Variants in PCDHA13 observed in about 807,000 individuals in gnomAD.
PCDHA13 encodes the protein protocadherin alpha 13, also known as protocadherin alpha-13.
Under a neutral mutation model 64.8 loss-of-function variants are expected in PCDHA13, and 54 were observed. The observed-to-expected ratio is 0.83, with a 90% confidence interval of 0.67 to 1.04. The LOEUF (loss-of-function observed/expected upper bound fraction) is 1.04, where lower values mean the gene tolerates loss of function less well. PCDHA13 is among the 50% of genes least tolerant of loss of function. The pLI is 0.00. For synonymous variants in PCDHA13, 587 were observed against 564.4 expected (o/e 1.04, Z -0.57); for missense variants, 1,248 against 1,254.3 (o/e 0.99, Z 0.08).
intron 1 of PCDHA13, among the ~76,000 whole-genome samples, chr5:140,915,667 G>A (rs2077246554): frequency 1.3e-5 from 2 of 149,888 alleles, no homozygotes; most frequent in Admixed American, 1.3e-4. Flanking sequence ...AAGGTGCTGG[G>A]CCATCTTGAA....
At chr5:141,001,536 A>G (rs562513933) in intron 3 of PCDHA13, among the ~76,000 whole-genome samples, 153 of 152,240 alleles carry the variant, frequency 1.0e-3, no homozygotes, top group African/African-American at 3.5e-3. Context: ...CTGATCCTGG[A>G]CAGGATTTGG....
At position 140,884,634 on chromosome 5, in the gene PCDHA13, GGGA is replaced by G. The variant is rs1562808845; in HGVS notation, c.2373_2375del (p.Glu791del). 3 of 1,612,414 alleles carry G rather than the reference GGGA, an allele frequency of 1.9e-6. No individual in the cohort carries two copies. Among genetic ancestry groups the G allele is most frequent in the Non-Finnish European group, 2.5e-6 (3 of 1,179,358 alleles). ...GGTTCTGCAGAGGGAACAGGCCAGAGGGAGGAGGACTCAGAATGCTTGAAAGAG... is the reference window on the plus strand; with the variant it reads ...GGTTCTGCAGAGGGAACAGGCCAGAGGGAGGACTCAGAATGCTTGAAAGAG... On this transcript the variant is annotated inframe_deletion, in exon 1 of 4. Transcript: ENST00000289272.
At position 140,882,482 on chromosome 5, in the gene PCDHA13, G is replaced by C. The variant is rs200256955; in HGVS notation, c.214G>C (p.Gly72Arg). The change falls in exon 1 of 4, where the codon GGG (glycine) becomes CGG (arginine). Residue 72 changes from glycine to arginine, a missense_variant. By Grantham distance (125) the Gly-to-Arg change is moderately radical (BLOSUM62 -2). Coordinates refer to ENST00000289272, the MANE Select transcript of PCDHA13 (RefSeq NM_018904.3). ...RLFRVASKRHGDLLEVNLQNG... is the reference protein window; with the variant it reads ...RLFRVASKRHRDLLEVNLQNG... ...GTTCCGGGTGGCGTCCAAAAGACAC[G>C]GGGACCTTCTGGAGGTAAATCTGCA... 2.4e-5 allele frequency: 38 copies of C among 1,613,930 alleles called. No homozygotes were observed. The highest frequency in any genetic ancestry group is 8.3e-5 in the Admixed American group (5 of 60,010).
At chr5:140,967,171 G>A (rs181864889) in intron 1 of PCDHA13, 2 of 1,611,944 alleles carry the variant, frequency 1.2e-6, no homozygotes, top group Non-Finnish European at 8.5e-7. Flanking sequence ...GCGCCGTTGA[G>A]GTGGAAATAT....
chr5:140,887,238 C>A (rs1191260946), intron 1 of PCDHA13, among the ~76,000 whole-genome samples: 3 of 151,738 alleles, frequency 2.0e-5, no homozygotes, highest in African/African-American at 4.8e-5. Flanking sequence ...CTGAGACTAC[C>A]GGCGCCCGCC....
At chr5:140,928,729 G>A (rs2085477021) in intron 1 of PCDHA13, 1 of 1,613,996 alleles carries the variant, frequency 6.2e-7, no homozygotes, top group Non-Finnish European at 8.5e-7. Context: ...TAGAATTTCA[G>A]CCAATATAGG....
rs782325875 is a variant in PCDHA13, at chr5:140,979,026, A to T, written c.2453+19A>T. The T allele has an allele frequency of 6.2e-7, 1 of 1,613,490 alleles. No homozygotes were observed. The highest frequency in any genetic ancestry group is 1.1e-5 in the South Asian group (1 of 90,898). On this transcript the variant is annotated intron_variant, in intron 2 of 3. Transcript: ENST00000289272. ...TGCACAGGTATGTATTTCCCTCCTC[A>T]TTCACTCAGAAGTAACCTTAACTTG...
In PCDHA13 at chr5:140,928,656, T is replaced by A. The variant is rs116598649; in HGVS notation, c.2394+43994T>A. ...TCACAAAAGTGGTAGCAGAGGATGC[T>A]GACAGTGGTTCTAATGCCTGGCTTT... On this transcript the variant is annotated intron_variant, in intron 1 of 3. Transcript: ENST00000289272. 5,180 of 1,614,228 alleles carry A rather than the reference T, an allele frequency of 3.2e-3. 26 individuals are homozygous for A. Among genetic ancestry groups the A allele is most frequent in the African/African-American group, 0.019 (1,449 of 75,056 alleles).
intron 1 of PCDHA13, among the ~76,000 whole-genome samples, chr5:140,942,981 G>A (rs1242135518): frequency 6.6e-6 from 1 of 152,048 alleles, no homozygotes; most frequent in Non-Finnish European, 1.5e-5. Context: ...TTGGGGCTGG[G>A]TGTGGTGGCT....
chr5:140,883,357 T>C lies in PCDHA13; in HGVS notation c.1089T>C (p.Thr363=). 1 of 1,614,094 alleles carries C rather than the reference T, an allele frequency of 6.2e-7. No homozygotes were observed. The highest frequency in any genetic ancestry group is 8.5e-7 in the Non-Finnish European group (1 of 1,180,006). Residue 363 remains threonine (T), a synonymous_variant, in exon 1 of 4, where the codon ACT becomes ACC. Coordinates refer to ENST00000289272, the MANE Select transcript of PCDHA13 (RefSeq NM_018904.3). ...TGTCACTCCCCATCAGAGAAGACACTCAGCCTAGCGCCATTATTGCCCTAA... is the reference window on the plus strand; with the variant it reads ...TGTCACTCCCCATCAGAGAAGACACCCAGCCTAGCGCCATTATTGCCCTAA... The part of the protein sequence containing the change: ...TSLSLPIRED[T]QPSAIIALIS...
At chr5:140,887,376 G>A (rs1169212781) in intron 1 of PCDHA13, among the ~76,000 whole-genome samples, 1 of 152,158 alleles carries the variant, frequency 6.6e-6, no homozygotes, top group Non-Finnish European at 1.5e-5. Context: ...GATTACAGGT[G>A]TGAGCCACCG....
intron 1 of PCDHA13, among the ~76,000 whole-genome samples, chr5:140,939,679 T>A (rs2092435989): frequency 6.6e-6 from 1 of 152,196 alleles, no homozygotes; most frequent in South Asian, 2.1e-4. Context: ...TGTATGTATG[T>A]GTGTGTTGCT....
chr5:140,924,901 A>AAT (rs145282866), intron 1 of PCDHA13, among the ~76,000 whole-genome samples: 9,116 of 79,802 alleles, frequency 0.11, 381 homozygotes, highest in Middle Eastern at 0.21. Context: ...TCTCAAAAAA[A>AAT]AAAATAAAAT....
Position 140,884,138 on chromosome 5 carries a change from G to T in PCDHA13, c.1870G>T (p.Val624Leu), listed in dbSNP as rs782798249. The change falls in exon 1 of 4, where the codon GTG (valine) becomes TTG (leucine). Residue 624 changes from valine (V) to leucine (L), a missense_variant. Coordinates refer to ENST00000289272, the MANE Select transcript of PCDHA13 (RefSeq NM_018904.3). ...AAVGARIPFR[V>L]GLYTGEISTT... ...GGTCGGCGCGCGCATCCCGTTCCGC[G>T]TGGGGCTGTACACTGGCGAGATCAG... 6.2e-7 allele frequency: 1 copy of T among 1,613,410 alleles called. No homozygotes were observed. The highest frequency in any genetic ancestry group is 1.7e-5 in the Admixed American group (1 of 60,008).
intron 1 of PCDHA13, chr5:140,930,355 C>G (rs1044171600): frequency 6.6e-6 from 1 of 151,448 alleles, no homozygotes; most frequent in Non-Finnish European, 1.5e-5. Context: ...TCAAATATTT[C>G]AATTTATCTG....
At chr5:140,957,397 A>C (rs553656426) in intron 1 of PCDHA13, among the ~76,000 whole-genome samples, 1 of 152,282 alleles carries the variant, frequency 6.6e-6, no homozygotes, top group South Asian at 2.1e-4. Context: ...AATTGTCCTA[A>C]TTTATTATTA....
rs745321942 is a variant in PCDHA13 at position 140,882,309 on chromosome 5, T to C, written c.41T>C (p.Leu14Pro). ...SWQGGPRPRQ[L>P]LLWLLILAAW... Reference sequence around the variant, plus strand: ...CAAGGAGGCCCAAGACCGCGGCAACTACTGCTCTGGCTTCTGATCCTCGCA... The same window carrying C: ...CAAGGAGGCCCAAGACCGCGGCAACCACTGCTCTGGCTTCTGATCCTCGCA... The change falls in exon 1 of 4, where the codon CTA becomes CCA. Residue 14 changes from leucine (L) to proline (P), a missense_variant. Physicochemically the swap from Leu to Pro is moderately conservative, Grantham distance 98. Coordinates refer to ENST00000289272, the MANE Select transcript of PCDHA13 (RefSeq NM_018904.3). 6.2e-7 allele frequency: 1 copy of C among 1,614,090 alleles called. No homozygotes were observed. Among genetic ancestry groups the C allele is most frequent in the Non-Finnish European group, 8.5e-7 (1 of 1,179,974 alleles).
chr5:140,982,705 T>A, intron 3 of PCDHA13, 142 bp downstream of exon 3: 1 of 1,376,850 alleles, frequency 7.3e-7, no homozygotes, highest in Non-Finnish European at 9.5e-7. Flanking sequence ...CATGATTTCC[T>A]TACATATATG....
chr5:141,010,201 C>G lies in PCDHA13; in HGVS notation c.*264C>G, dbSNP rs782495760. On this transcript the variant is annotated 3_prime_UTR_variant, in exon 4 of 4. Coordinates refer to ENST00000289272, the MANE Select transcript of PCDHA13 (RefSeq NM_018904.3). ...GCAGACCCAAGTTTCCTTTCTCCTC[C>G]GCCGCAAAGGAGAGGCTTCCCAGCC... 9.0e-6 allele frequency: 14 copies of G among 1,551,916 alleles called. No homozygotes were observed. Among genetic ancestry groups the G allele is most frequent in the Non-Finnish European group, 1.0e-5 (12 of 1,147,084 alleles).
Sources: gnomAD v4.1 joint callset for allele counts (sites outside exome capture counted in the v4.1 genomes callset) on GRCh38, gnomAD v4.1.1 for gene constraint, MANE v1.5 for transcripts, NCBI Gene and HGNC (gene_info 2026-07-23, HGNC 2026-07-21) for gene names.